CSMD3: variants seen among roughly 807,000 people sequenced by gnomAD.
CSMD3 encodes the protein CUB and sushi domain-containing protein 3.
Under a neutral mutation model 435.2 loss-of-function variants are expected in CSMD3, and 177 were observed. The observed-to-expected ratio is 0.41, with a 90% CI of 0.36 to 0.46. The LOEUF is 0.46. Among genes scored for constraint, CSMD3 ranks in the 20% least tolerant of loss-of-function variants. The pLI is 0.34. For synonymous variants in CSMD3, 1,656 were observed against 1,520.5 expected, an observed-to-expected ratio of 1.09 and a Z score of -2.07; for missense variants, 4,265 against 4,504.6, an observed-to-expected ratio of 0.95 and a Z score of 1.52.
At chr8:112,829,055 A>G (rs1297921210) in intron 12 of CSMD3, among the ~76,000 whole-genome samples, 1 of 152,122 alleles carries the variant, frequency 6.6e-6, no homozygotes, top group Non-Finnish European at 1.5e-5. Context: ...AAAAGAAAAA[A>G]AAAGGAAAAA....
At chr8:112,477,509 G>A (rs186870382) in intron 31 of CSMD3, among the ~76,000 whole-genome samples, 128 of 152,104 alleles carry the variant, frequency 8.4e-4, no homozygotes, top group Non-Finnish European at 1.6e-3. Context: ...GAAGTCTTTG[G>A]GTCATGGGGA....
At chr8:112,531,451 AACAGCC>A in intron 27 of CSMD3, among the ~76,000 whole-genome samples, 1 of 152,272 alleles carries the variant, frequency 6.6e-6, no homozygotes, top group South Asian at 2.1e-4. Context: ...TGCCAGTTAC[AACAGCC>A]ACAGGAATGG....
At chr8:113,133,949 T>C (rs545615794) in intron 4 of CSMD3, among the ~76,000 whole-genome samples, 4 of 152,058 alleles carry the variant, frequency 2.6e-5, no homozygotes, top group South Asian at 2.1e-4. Flanking sequence ...ATTTGCACTA[T>C]GAAATGGTTC....
At chr8:112,631,347 C>T (rs1425311884) in intron 22 of CSMD3, among the ~76,000 whole-genome samples, 2 of 152,012 alleles carry the variant, frequency 1.3e-5, no homozygotes, top group Non-Finnish European at 2.9e-5. Context: ...ACCATGTGGC[C>T]TCAAAGCCCT....
intron 59 of CSMD3, among the ~76,000 whole-genome samples, chr8:112,276,752 C>T (rs1211475740): frequency 6.6e-6 from 1 of 152,194 alleles, no homozygotes; most frequent in Admixed American, 6.5e-5. Context: ...CATGTCCATA[C>T]ATCATTTGAA....
At chr8:113,054,612 C>A (rs1420038551) in intron 5 of CSMD3, among the ~76,000 whole-genome samples, 1 of 152,088 alleles carries the variant, frequency 6.6e-6, no homozygotes, top group Non-Finnish European at 1.5e-5. Flanking sequence ...TAGTTTTCTC[C>A]TGAATCATTC....
intron 1 of CSMD3, among the ~76,000 whole-genome samples, chr8:113,335,958 G>C (rs1300169948): frequency 1.3e-5 from 2 of 151,922 alleles, no homozygotes; most frequent in Non-Finnish European, 2.9e-5. Context: ...CTGTAGGTTT[G>C]ACTCTTGCCA....
chr8:112,372,073 A>G (rs756400327), intron 38 of CSMD3, among the ~76,000 whole-genome samples: 3 of 152,110 alleles, frequency 2.0e-5, no homozygotes, highest in Admixed American at 6.6e-5. Context: ...CACTGATGGG[A>G]TAAAAAAGTT....
At chr8:112,605,721 C>T (rs2131440250) in intron 22 of CSMD3, among the ~76,000 whole-genome samples, 1 of 152,130 alleles carries the variant, frequency 6.6e-6, no homozygotes, top group Admixed American at 6.5e-5. Flanking sequence ...ATCTGTACAC[C>T]AAACAGCCAT....
chr8:112,242,873 C>T (rs950985), intron 65 of CSMD3, among the ~76,000 whole-genome samples: 100,901 of 151,904 alleles, frequency 0.66, 35,313 homozygotes, highest in African/African-American at 0.89. Context: ...GTTGAAGCCA[C>T]TGGTTTGAAT....
intron 9 of CSMD3, among the ~76,000 whole-genome samples, chr8:112,928,259 T>C (rs926764171): frequency 1.3e-5 from 2 of 152,160 alleles, no homozygotes; most frequent in African/African-American, 2.4e-5. Flanking sequence ...CATTAGTTAA[T>C]ATAGATTTTC....
chr8:112,607,035 G>A (rs1832853842), intron 22 of CSMD3, among the ~76,000 whole-genome samples: 1 of 124,812 alleles, frequency 8.0e-6, no homozygotes, highest in Non-Finnish European at 1.7e-5. Flanking sequence ...ACAAAGATCA[G>A]AGCAGAAATA....
intron 32 of CSMD3, among the ~76,000 whole-genome samples, chr8:112,450,729 C>A (rs1816164598): frequency 6.6e-6 from 1 of 152,186 alleles, no homozygotes; most frequent in Non-Finnish European, 1.5e-5. Flanking sequence ...CCTTCAGTTT[C>A]TATCTAAATG....
intron 3 of CSMD3, among the ~76,000 whole-genome samples, chr8:113,248,709 A>G (rs2093304935): frequency 6.6e-6 from 1 of 151,404 alleles, no homozygotes; most frequent in Non-Finnish European, 1.5e-5. Flanking sequence ...AAGTTATTTA[A>G]TTTATTTCCA....
intron 6 of CSMD3, among the ~76,000 whole-genome samples, chr8:112,994,691 A>G (rs74332064): frequency 0.037 from 5,636 of 151,662 alleles, 145 homozygotes; most frequent in Non-Finnish European, 0.061. Flanking sequence ...TTTTTGTTCT[A>G]TACTACAGAG....
At chr8:112,312,029 A>G (rs1822023733) in intron 49 of CSMD3, among the ~76,000 whole-genome samples, 1 of 152,174 alleles carries the variant, frequency 6.6e-6, no homozygotes, top group Admixed American at 6.5e-5. Context: ...GTCATAAATA[A>G]TAAGAACAAG....
At chr8:112,729,883 C>T (rs1310364738) in intron 13 of CSMD3, among the ~76,000 whole-genome samples, 1 of 152,090 alleles carries the variant, frequency 6.6e-6, no homozygotes, top group Non-Finnish European at 1.5e-5. Context: ...AGATTTCAAA[C>T]TTTTTGCCTC....
chr8:113,131,486 G>A (rs1035857724), intron 4 of CSMD3, among the ~76,000 whole-genome samples: 3 of 152,064 alleles, frequency 2.0e-5, no homozygotes, highest in African/African-American at 4.8e-5. Flanking sequence ...CAGCTTCCAC[G>A]TGGTACTGGG....
In CSMD3 at chr8:112,228,782, T is replaced by C. The variant is rs1262768601; in HGVS notation, c.10938A>G (p.Gly3646=). The C allele has an allele frequency of 6.3e-7, 1 of 1,592,518 alleles. No homozygotes were observed. Among genetic ancestry groups the C allele is most frequent in the African/African-American group, 1.3e-5 (1 of 74,338 alleles). Residue 3646 remains glycine (G), a synonymous_variant, in exon 70 of 71, where the codon GGA becomes GGG. Coordinates refer to ENST00000297405, the MANE Select transcript of CSMD3 (RefSeq NM_198123.2). ...LVPFFALIFA[G]FGFYLYKQRT... is the part of the protein sequence containing the mutation. ...TTTGTTTATAAAGATAAAATCCAAA[T>C]CCTGCAAATATAAGTGCAAAAAAAG...
Sources: allele counts gnomAD v4.1 joint callset (sites outside exome capture counted in the v4.1 genomes callset), GRCh38; gene constraint gnomAD v4.1.1; transcripts MANE v1.5; gene names NCBI Gene and HGNC (gene_info 2026-07-23, HGNC 2026-07-21).